The following PRSS55 variants were observed in gnomAD, a reference collection of about 807,000 sequenced individuals.
PRSS55 encodes the protein serine protease 55.
In PRSS55, 41 loss-of-function variants were observed where a neutral mutation model predicts 23.6. The ratio of observed to expected loss-of-function variants is 1.74; its 90% CI spans 1.35 to 2.26. The LOEUF (loss-of-function observed/expected upper bound fraction) is 2.26. PRSS55 is among the 30% of genes most tolerant of loss of function. PRSS55 has a pLI of 0.00. For missense variants in PRSS55, 669 were observed against 439.1 expected (o/e 1.52, Z -4.68); for synonymous variants, 262 against 175.5 (o/e 1.49, Z -3.90).
rs1009732287 is a variant in PRSS55 at position 10,529,815 on chromosome 8, G to T, written c.347+116G>T. 7.8e-6 allele frequency: 8 copies of T among 1,028,780 alleles called. No homozygotes were observed. In the African/African-American group the frequency reaches 8.0e-5, roughly 10 times the overall value. 63.7% of individuals were successfully genotyped at this position (1,028,780 alleles called of 1,614,324 possible). ...CCTGCGACTGCTCGGTATCCAGTCG[G>T]CATGAATGGCTCCCACCCATCCACC... On this transcript the variant is annotated intron_variant, in intron 2 of 4. Coordinates refer to ENST00000328655, the MANE Select transcript of PRSS55 (RefSeq NM_198464.4).
chr8:10,539,321 G>T (rs919780890), downstream of PRSS55, among the ~76,000 whole-genome samples: 1 of 152,220 alleles, frequency 6.6e-6, no homozygotes, highest in South Asian at 2.1e-4. Flanking sequence ...CAATTTAAAT[G>T]TCAATCTCAT....
At position 10,525,754 on chromosome 8, in the gene PRSS55, A is replaced by C; in HGVS notation, c.154+15A>C. The C allele has an allele frequency of 1.3e-6, 2 of 1,581,894 alleles. No homozygotes were observed. Among genetic ancestry groups the C allele is most frequent in the Non-Finnish European group, 1.7e-6 (2 of 1,162,466 alleles). ...CCCAGTCAGTGGTGAGTACAGGGGC[A>C]GAAGGGGCATGGATGGGGGCTCATG... is the stretch of plus-strand genomic sequence containing the variant. On this transcript the variant is annotated intron_variant, in intron 1 of 4. Coordinates refer to ENST00000328655, the MANE Select transcript of PRSS55 (RefSeq NM_198464.4).
At chr8:10,528,752 G>C (rs1417414268) in intron 1 of PRSS55, among the ~76,000 whole-genome samples, 1 of 152,170 alleles carries the variant, frequency 6.6e-6, no homozygotes, top group African/African-American at 2.4e-5. Context: ...CAGTACTGTG[G>C]GACAGAGCTC....
chr8:10,532,395 G>T (rs1036903796), intron 3 of PRSS55, among the ~76,000 whole-genome samples: 5 of 152,170 alleles, frequency 3.3e-5, no homozygotes, highest in African/African-American at 1.2e-4. Context: ...TGAATTCCCG[G>T]CATCTGGCGG....
At chr8:10,541,501 T>A (rs920236738), downstream of PRSS55, 1 of 152,114 alleles carries the variant, frequency 6.6e-6, no homozygotes, top group Non-Finnish European at 1.5e-5. Flanking sequence ...CTCTCCTGCA[T>A]CTCGAGCCTG....
rs1315343684 is a variant in PRSS55, at chr8:10,532,472, T to G, written c.599-434T>G. ...AAACACTCTGCCAACCTGCCCTTGC[T>G]GAGGACCTAAAGTTTTTTCACCGGG... On this transcript the variant is annotated intron_variant, in intron 3 of 4. Coordinates refer to ENST00000328655, the MANE Select transcript of PRSS55 (RefSeq NM_198464.4). Among the ~76,000 whole-genome samples, 5 of 152,220 alleles carry G rather than the reference T, an allele frequency of 3.3e-5. No individual in the cohort carries two copies. The East Asian group carries it at 9.6e-4, about 29-fold the overall frequency.
intron 1 of PRSS55, 131 bp downstream of exon 1, chr8:10,525,870 T>A: frequency 1.0e-6 from 1 of 969,484 alleles, no homozygotes; most frequent in Non-Finnish European, 1.5e-6. Context: ...AAACCACTTG[T>A]CCTTTCTCTC....
downstream of PRSS55, among the ~76,000 whole-genome samples, chr8:10,543,624 T>A (rs1365523883): frequency 1.3e-5 from 2 of 151,854 alleles, no homozygotes; most frequent in South Asian, 2.1e-4. Flanking sequence ...TAATTTTTAC[T>A]TTTATGAGAT....
chr8:10,538,057 G>A (rs886599642), intron 4 of PRSS55, among the ~76,000 whole-genome samples: 3 of 152,094 alleles, frequency 2.0e-5, no homozygotes, highest in African/African-American at 4.8e-5. Context: ...ACACAAAGGA[G>A]ACCCAGTTCT....
At position 10,532,945 on chromosome 8, in the gene PRSS55, C is replaced by T. The variant is rs1413965406; in HGVS notation, c.638C>T (p.Pro213Leu). 3 of 1,613,996 alleles carry T rather than the reference C, an allele frequency of 1.9e-6. No homozygotes were observed. The highest frequency in any genetic ancestry group is 2.5e-6 in the Non-Finnish European group (3 of 1,180,028). The change falls in exon 4 of 5, where the codon CCA becomes CTA. Residue 213 changes from proline to leucine, a missense_variant. Transcript: ENST00000328655. ...GTGAAAACGGATCTGATGAAAGCGC[C>T]AATGGTCATCATGGACTGGGAGGAG... ...NSVKTDLMKAPMVIMDWEECS... is the reference protein window; with the variant it reads ...NSVKTDLMKALMVIMDWEECS...
chr8:10,525,846 C>A, intron 1 of PRSS55, 107 bp downstream of exon 1: 1 of 1,179,590 alleles, frequency 8.5e-7, no homozygotes, highest in South Asian at 1.6e-5. Flanking sequence ...GGGCTCCCCA[C>A]ATACCCCTTC....
chr8:10,552,475 G>C (rs748297366), intron 4 of PRSS55, among the ~76,000 whole-genome samples: 4 of 152,192 alleles, frequency 2.6e-5, no homozygotes, highest in Non-Finnish European at 4.4e-5. Flanking sequence ...ACAATTAGCA[G>C]AGTAAAGAGA....
intron 4 of PRSS55, among the ~76,000 whole-genome samples, chr8:10,536,573 G>A (rs12542271): frequency 0.34 from 50,932 of 151,882 alleles, 8,873 homozygotes; most frequent in African/African-American, 0.44. Flanking sequence ...GCATATGTTC[G>A]TCACAGCGCT....
rs753193702 is a variant in PRSS55 at position 10,538,619 on chromosome 8, C to A, written c.885C>A (p.Ile295=). 6.2e-7 allele frequency: 1 copy of A among 1,613,974 alleles called. No homozygotes were observed. Among genetic ancestry groups the A allele is most frequent in the African/African-American group, 1.3e-5 (1 of 74,900 alleles). Reference sequence around the variant, plus strand: ...CGTTGGTGAACTACAACCTCTGGATCGAGAAAGTGACCCAGCTAGAGGGCA... The same window carrying A: ...CGTTGGTGAACTACAACCTCTGGATAGAGAAAGTGACCCAGCTAGAGGGCA... The part of the protein sequence containing the change: ...YTSLVNYNLW[I]EKVTQLEGRP... The change falls in exon 5 of 5, where the codon ATC becomes ATA. Residue 295 remains isoleucine, a synonymous_variant. Coordinates refer to ENST00000328655, the MANE Select transcript of PRSS55 (RefSeq NM_198464.4).
chr8:10,546,901 G>A (rs938429187), intron 4 of PRSS55, among the ~76,000 whole-genome samples: 1 of 151,942 alleles, frequency 6.6e-6, no homozygotes, highest in African/African-American at 2.4e-5. Context: ...GGCTGGCCTT[G>A]TACTCCTGGG....
At chr8:10,526,061 C>T (rs1228879429) in intron 1 of PRSS55, among the ~76,000 whole-genome samples, 1 of 152,270 alleles carries the variant, frequency 6.6e-6, no homozygotes, top group African/African-American at 2.4e-5. Flanking sequence ...CCATCAGCAC[C>T]AGGCTTCCAG....
downstream of PRSS55, among the ~76,000 whole-genome samples, chr8:10,540,072 C>A (rs1022183810): frequency 6.6e-6 from 1 of 152,192 alleles, no homozygotes; most frequent in African/African-American, 2.4e-5. Context: ...TTTCAGCTGA[C>A]CTCCCTCCAT....
chr8:10,525,621 G>A lies in PRSS55; in HGVS notation c.36G>A (p.Leu12=), dbSNP rs994567423. ...TCTCAGTGTTGCTGCTCCTGTCCCT[G>A]GTCACGGGAACTCAGCTCGGTCCAC... ...LLFSVLLLLS[L]VTGTQLGPRT... The change falls in exon 1 of 5, where the codon CTG becomes CTA. Residue 12 remains leucine (L), a synonymous_variant. Coordinates refer to ENST00000328655, the MANE Select transcript of PRSS55 (RefSeq NM_198464.4). The A allele has an allele frequency of 6.2e-7, 1 of 1,614,120 alleles. No individual in the cohort carries two copies. The highest frequency in any genetic ancestry group is 1.7e-5 in the Admixed American group (1 of 60,026).
At position 10,544,986 on chromosome 8, in the gene PRSS55, C is replaced by T. The variant is rs76331336; in HGVS notation, c.742-8957C>T. ...AACTTTAACAGGGACAGAAAACTGA[C>T]TGTGTGCTCTGTTGACCCAGCCTCA... is the stretch of plus-strand genomic sequence containing the variant. On this transcript the variant is annotated intron_variant, in intron 4 of 4. Coordinates refer to the PRSS55 transcript ENST00000522210. 8.2e-4 allele frequency: 804 copies of T among 984,472 alleles called. 28 individuals carry two copies. The East Asian group carries it at 0.07, about 86-fold the overall frequency. 61.0% of individuals were successfully genotyped at this position (984,472 alleles called of 1,614,324 possible). A position where few individuals can be genotyped will look rare whatever the true frequency, so the allele number is the denominator to read the frequency against.
Sources: allele counts gnomAD v4.1 joint callset (sites outside exome capture counted in the v4.1 genomes callset), GRCh38; gene constraint gnomAD v4.1.1; transcripts MANE v1.5; gene names NCBI Gene and HGNC (gene_info 2026-07-23, HGNC 2026-07-21).